The following SLC5A2 variants were observed in gnomAD, a reference collection of about 807,000 sequenced individuals.
SLC5A2 encodes sodium/glucose cotransporter 2.
In SLC5A2, 67 loss-of-function variants were observed where a neutral mutation model predicts 69.0. The observed-to-expected ratio is 0.97, with a 90% CI of 0.80 to 1.19. The LOEUF (loss-of-function observed/expected upper bound fraction) is 1.19. SLC5A2 is among the 50% of genes most tolerant of loss of function. The pLI is 0.00. For synonymous variants in SLC5A2, 455 were observed against 395.8 expected, an observed-to-expected ratio of 1.15 and a Z score of -1.78; for missense variants, 1,001 against 921.5, an observed-to-expected ratio of 1.09 and a Z score of -1.12.
intron 9 of SLC5A2, 61 bp downstream of exon 9, chr16:31,488,551 C>A (rs1314577546): frequency 3.1e-6 from 5 of 1,602,188 alleles, no homozygotes; most frequent in Non-Finnish European, 2.6e-6. Flanking sequence ...TGGGAGGGGT[C>A]GTCCCTCGCG....
rs1368659108 is a variant in SLC5A2, at chr16:31,490,225, T to C, written c.1787T>C (p.Met596Thr). Residue 596 changes from methionine to threonine, a missense_variant, in exon 13 of 14, where the codon ATG becomes ACG. Transcript: ENST00000330498. ...QNGCPESAME[M>T]NEPQAPAPSL... is the part of the protein sequence containing the mutation. ...GGGTGCCCAGAGAGTGCCATGGAGA[T>C]GAATGGTAGGGCACCATGCTGGGAG... is the stretch of plus-strand genomic sequence containing the variant. The C allele has an allele frequency of 6.2e-7, 1 of 1,614,106 alleles. No individual in the cohort carries two copies.
chr16:31,487,681 C>A lies in SLC5A2; in HGVS notation c.807C>A (p.Pro269=), dbSNP rs1177650465. The change falls in exon 7 of 14, where the codon CCC becomes CCA. Residue 269 remains proline, a synonymous_variant. Coordinates refer to ENST00000330498, the MANE Select transcript of SLC5A2 (RefSeq NM_003041.4). ...RPDSYHLLRH[P]VTGDLPWPAL... Reference sequence around the variant, plus strand: ...ACTCCTACCACCTGCTCCGGCACCCCGTGACCGGGGATCTGCCGTGGCCCG... The same window carrying A: ...ACTCCTACCACCTGCTCCGGCACCCAGTGACCGGGGATCTGCCGTGGCCCG... 1 of 1,613,632 alleles carries A rather than the reference C, an allele frequency of 6.2e-7. No individual in the cohort carries two copies. Among genetic ancestry groups the A allele is most frequent in the Admixed American group, 1.7e-5 (1 of 60,038 alleles).
intron 5 of SLC5A2, among the ~76,000 whole-genome samples, 192 bp downstream of exon 5, chr16:31,486,467 G>A (rs2082496660): frequency 6.6e-6 from 1 of 152,116 alleles, no homozygotes; most frequent in Admixed American, 6.6e-5. Flanking sequence ...GATTTTGACT[G>A]GAAGTTCAGA....
intron 8 of SLC5A2, 65 bp downstream of exon 8, chr16:31,488,238 C>T: frequency 6.2e-7 from 1 of 1,612,556 alleles, no homozygotes; most frequent in Admixed American, 1.7e-5. Flanking sequence ...AGTTCCGTCA[C>T]CCTCCTAAGA....
rs1047021581 is a variant in SLC5A2, at chr16:31,487,393, G to A, written c.648G>A (p.Met216Ile). The stretch of plus-strand genomic sequence containing the variant: ...TTCTGGGGGGCGCCTGCATCCTCAT[G>A]GGTTACGGTAGGGGCTCGCCTACCA... Reference protein sequence around the residue: ...FVILGGACILMGYAFHEVGGY... With the variant: ...FVILGGACILIGYAFHEVGGY... Residue 216 changes from methionine to isoleucine, a missense_variant, in exon 6 of 14, where the codon ATG becomes ATA. Physicochemically the swap from Met to Ile is conservative, Grantham distance 10 (BLOSUM62 1). Transcript: ENST00000330498. 9 of 1,613,694 alleles carry A rather than the reference G, an allele frequency of 5.6e-6. No individual in the cohort carries two copies. The highest frequency in any genetic ancestry group is 1.1e-5 in the South Asian group (1 of 91,078).
At chr16:31,485,110 T>C (rs746120325) in intron 3 of SLC5A2, 187 bp downstream of exon 3, 403 of 677,868 alleles carry the variant, frequency 5.9e-4, no homozygotes, top group Non-Finnish European at 9.0e-4. Context: ...GGGTGACCAC[T>C]GTTGGTCCTG....
Position 31,484,849 on chromosome 16 carries a change from G to A in SLC5A2, c.229G>A (p.Gly77Ser), listed in dbSNP as rs368277683. 76 of 1,613,838 alleles carry A rather than the reference G, an allele frequency of 4.7e-5. No homozygotes were observed. Among genetic ancestry groups the A allele is most frequent in the Middle Eastern group, 1.6e-4 (1 of 6,084 alleles). The change falls in exon 3 of 14, where the codon GGC becomes AGC. Residue 77 changes from glycine to serine, a missense_variant. Coordinates refer to ENST00000330498, the MANE Select transcript of SLC5A2 (RefSeq NM_003041.4). ...VGASLFASNIGSGHFVGLAGT... is the reference protein window; with the variant it reads ...VGASLFASNISSGHFVGLAGT... ...GGCCTCTCTCTTCGCCAGCAACATCGGCAGTGGCCACTTTGTGGGCCTGGC... is the reference window on the plus strand; with the variant it reads ...GGCCTCTCTCTTCGCCAGCAACATCAGCAGTGGCCACTTTGTGGGCCTGGC...
intron 4 of SLC5A2, 99 bp downstream of exon 4, chr16:31,485,992 T>C: frequency 7.2e-7 from 1 of 1,391,352 alleles, no homozygotes; most frequent in Non-Finnish European, 1.0e-6. Flanking sequence ...GAGAAACCAC[T>C]GCGAGGGTTA....
rs762502476 is a variant in SLC5A2, at chr16:31,488,188, C to T, written c.1021+15C>T. 2 of 1,614,002 alleles carry T rather than the reference C, an allele frequency of 1.2e-6. No individual in the cohort carries two copies. Among genetic ancestry groups the T allele is most frequent in the South Asian group, 2.2e-5 (2 of 91,084 alleles). On this transcript the variant is annotated intron_variant, in intron 8 of 13. Coordinates refer to ENST00000330498, the MANE Select transcript of SLC5A2 (RefSeq NM_003041.4). Reference sequence around the variant, plus strand: ...TCTGTACCCAGGTAACATCCCTGCCCCGCCCCTTTCCTGTGCCAGCAACCG... The same window carrying T: ...TCTGTACCCAGGTAACATCCCTGCCTCGCCCCTTTCCTGTGCCAGCAACCG...
intron 1 of SLC5A2, among the ~76,000 whole-genome samples, chr16:31,484,352 T>C (rs1596616852): frequency 6.9e-6 from 1 of 145,384 alleles, no homozygotes. Flanking sequence ...ACCTGGGAGG[T>C]GGAGGTTGTA....
intron 5 of SLC5A2, among the ~76,000 whole-genome samples, chr16:31,486,939 G>C (rs767607611): frequency 6.6e-6 from 1 of 152,140 alleles, no homozygotes; most frequent in Non-Finnish European, 1.5e-5. Context: ...CCAGCTACTC[G>C]GGAGGCTGAG....
Position 31,488,148 on chromosome 16 carries a change from C to T in SLC5A2, c.996C>T (p.Gly332=). The change falls in exon 8 of 14, where the codon GGC becomes GGT. Residue 332 remains glycine, a synonymous_variant. Coordinates refer to ENST00000330498, the MANE Select transcript of SLC5A2 (RefSeq NM_003041.4). The stretch of plus-strand genomic sequence containing the variant: ...CCATGTTTCTCATGGTCATGCCAGG[C>T]ATGATCAGCCGCATTCTGTACCCAG... The part of the protein sequence containing the change: ...LTPMFLMVMP[G]MISRILYPDE... 6.2e-7 allele frequency: 1 copy of T among 1,614,098 alleles called. No homozygotes were observed. Among genetic ancestry groups the T allele is most frequent in the Non-Finnish European group, 8.5e-7 (1 of 1,179,986 alleles).
Position 31,490,395 on chromosome 16 carries a change from C to A in SLC5A2, c.1879C>A (p.Pro627Thr). Residue 627 changes from proline to threonine, a missense_variant, in exon 14 of 14, where the codon CCC becomes ACC. Transcript: ENST00000330498. The part of the protein sequence containing the change: ...MSRGGVGSPP[P>T]LTQEEAAAAA... ...CAGAGGTGGGGTGGGCAGTCCTCCG[C>A]CCCTTACCCAGGAGGAGGCAGCGGC... is the stretch of plus-strand genomic sequence containing the variant. The A allele has an allele frequency of 6.2e-7, 1 of 1,613,550 alleles. No individual in the cohort carries two copies. Among genetic ancestry groups the A allele is most frequent in the Non-Finnish European group, 8.5e-7 (1 of 1,179,846 alleles).
Position 31,483,177 on chromosome 16 carries a change from G to T in SLC5A2, c.41G>T (p.Gly14Val). Residue 14 changes from glycine (G) to valine (V), a missense_variant, in exon 1 of 14, where the codon GGG becomes GTG. Coordinates refer to ENST00000330498, the MANE Select transcript of SLC5A2 (RefSeq NM_003041.4). ...HTEAGSAPEM[G>V]AQKALIDNPA... Reference sequence around the variant, plus strand: ...GAGGCAGGCTCGGCACCAGAGATGGGGGCCCAGAAGGCCCTGATTGACAAT... The same window carrying T: ...GAGGCAGGCTCGGCACCAGAGATGGTGGCCCAGAAGGCCCTGATTGACAAT... The T allele has an allele frequency of 6.2e-7, 1 of 1,614,064 alleles. No individual in the cohort carries two copies. The highest frequency in any genetic ancestry group is 2.2e-5 in the East Asian group (1 of 44,878).
At position 31,485,899 on chromosome 16, in the gene SLC5A2, T is replaced by C. The variant is rs772992086; in HGVS notation, c.468+6T>C. On this transcript the variant is annotated splice_donor_region_variant and intron_variant, in intron 4 of 13. Coordinates refer to ENST00000330498, the MANE Select transcript of SLC5A2 (RefSeq NM_003041.4). ...ACATCTTCACCAAGATCTCAGTGAGTGCCTGTGGCAGATGCGATTGGGCCC... is the reference window on the plus strand; with the variant it reads ...ACATCTTCACCAAGATCTCAGTGAGCGCCTGTGGCAGATGCGATTGGGCCC... The C allele has an allele frequency of 1.9e-6, 3 of 1,613,414 alleles. No individual in the cohort carries two copies. Among genetic ancestry groups the C allele is most frequent in the African/African-American group, 1.3e-5 (1 of 75,026 alleles).
chr16:31,487,988 C>A (rs1030744542), intron 7 of SLC5A2, 50 bp from the exon 8 acceptor site: 1 of 1,603,822 alleles, frequency 6.2e-7, no homozygotes, highest in Non-Finnish European at 8.5e-7. Context: ...GGGCGCGGGG[C>A]GGGGCCGAGG....
chr16:31,484,041 A>G (rs1427813831), intron 1 of SLC5A2, among the ~76,000 whole-genome samples: 1 of 152,108 alleles, frequency 6.6e-6, no homozygotes, highest in African/African-American at 2.4e-5. Flanking sequence ...GTGAGCTATG[A>G]TCATGTCACT....
Position 31,483,154 on chromosome 16 carries a change from G to C in SLC5A2, c.18G>C (p.Glu6Asp). 5 of 1,614,008 alleles carry C rather than the reference G, an allele frequency of 3.1e-6. No homozygotes were observed. The highest frequency in any genetic ancestry group is 4.2e-6 in the Non-Finnish European group (5 of 1,180,024). Reference protein sequence around the residue: MEEHTEAGSAPEMGAQ... With the variant: MEEHTDAGSAPEMGAQ... ...TGGGGAGAATGGAGGAGCACACAGAGGCAGGCTCGGCACCAGAGATGGGGG... is the reference window on the plus strand; with the variant it reads ...TGGGGAGAATGGAGGAGCACACAGACGCAGGCTCGGCACCAGAGATGGGGG... The change falls in exon 1 of 14, where the codon GAG becomes GAC. Residue 6 changes from glutamate to aspartate, a missense_variant. Glu to Asp is a conservative substitution (Grantham distance 45). Transcript: ENST00000330498.
chr16:31,489,931 A>G (rs2082546085), intron 12 of SLC5A2, 173 bp from the exon 13 acceptor site: 1 of 822,154 alleles, frequency 1.2e-6, no homozygotes, highest in Non-Finnish European at 2.0e-6. Context: ...GTTTATCCCG[A>G]GGGCACAGGG....
Sources: gnomAD v4.1 joint callset for allele counts (sites outside exome capture counted in the v4.1 genomes callset) on GRCh38, gnomAD v4.1.1 for gene constraint, MANE v1.5 for transcripts, NCBI Gene and HGNC (gene_info 2026-07-23, HGNC 2026-07-21) for gene names.